Variants in GRAMD2B observed in about 807,000 individuals in gnomAD.
GRAMD2B encodes the protein GRAM domain containing 2B.
GRAMD2B carries 41 observed loss-of-function variants against 59.2 expected under a neutral mutation model. That is an observed-to-expected ratio of 0.69 (90% CI 0.54 to 0.90). The LOEUF is 0.90. GRAMD2B is among the 40% of genes least tolerant of loss of function. The probability of loss-of-function intolerance (pLI) is 0.00; values close to 1 mark genes in which losing one functional copy is unlikely to be tolerated. For synonymous variants in GRAMD2B, 161 were observed against 182.7 expected, an observed-to-expected ratio of 0.88 and a Z score of 0.96; for missense variants, 424 against 500.5, an observed-to-expected ratio of 0.85 and a Z score of 1.46.
intron 1 of GRAMD2B, among the ~76,000 whole-genome samples, chr5:126,385,576 C>A (rs902313668): frequency 7.2e-5 from 11 of 152,324 alleles, no homozygotes; most frequent in Admixed American, 2.0e-4. Flanking sequence ...TATCTTCATG[C>A]CTCTGCTATT....
rs901000847 is a variant in GRAMD2B, at chr5:126,491,871, T to C, written c.1258-1044T>C. On this transcript the variant is annotated intron_variant, in intron 13 of 13. Transcript: ENST00000285689. Reference sequence around the variant, plus strand: ...GCCTCAGCCTCCCAAGTAGCTGGGATTACAGGCATCTGCCACCACACCCAG... The same window carrying C: ...GCCTCAGCCTCCCAAGTAGCTGGGACTACAGGCATCTGCCACCACACCCAG... 3.9e-5 allele frequency among the ~76,000 whole-genome samples: 6 copies of C among 152,206 alleles called. No individual in the cohort carries two copies. In the South Asian group the frequency reaches 1.2e-3, roughly 32 times the overall value.
exon 1 of GRAMD2B, chr5:126,371,457 G>C (rs1364732438): frequency 7.8e-7 from 1 of 1,288,574 alleles, no homozygotes; most frequent in Non-Finnish European, 1.0e-6. Flanking sequence ...TGAAGAAAAG[G>C]CTGCCTTCTA....
chr5:126,418,137 G>T (rs188495079), intron 1 of GRAMD2B, among the ~76,000 whole-genome samples: 26 of 152,228 alleles, frequency 1.7e-4, no homozygotes, highest in Non-Finnish European at 3.2e-4. Context: ...GAGTTCAAGT[G>T]CTGGGTCCTC....
chr5:126,481,429 A>G (rs1049632121), intron 8 of GRAMD2B, among the ~76,000 whole-genome samples: 1 of 152,172 alleles, frequency 6.6e-6, no homozygotes, highest in African/African-American at 2.4e-5. Context: ...TCAAATGATT[A>G]TAAATATTCT....
intron 1 of GRAMD2B, among the ~76,000 whole-genome samples, chr5:126,448,642 C>G (rs1283208024): frequency 1.3e-5 from 2 of 151,874 alleles, no homozygotes. Context: ...AGGCAGGAGG[C>G]ATTAAGGACC....
chr5:126,416,101 T>C (rs1289862575), intron 1 of GRAMD2B, among the ~76,000 whole-genome samples: 1 of 152,212 alleles, frequency 6.6e-6, no homozygotes, highest in Non-Finnish European at 1.5e-5. Flanking sequence ...TGTATGAATG[T>C]TTCTCTGAGA....
At chr5:126,389,881 G>A (rs1465820439) in intron 1 of GRAMD2B, among the ~76,000 whole-genome samples, 2 of 152,106 alleles carry the variant, frequency 1.3e-5, no homozygotes, top group South Asian at 2.1e-4. Context: ...CTGGGAGGTG[G>A]AGGTTGCAGT....
At chr5:126,481,516 T>G (rs1771837259) in intron 8 of GRAMD2B, among the ~76,000 whole-genome samples, 1 of 152,112 alleles carries the variant, frequency 6.6e-6, no homozygotes, top group African/African-American at 2.4e-5. Flanking sequence ...TTAAAAGTAA[T>G]GGGATTGAAA....
intron 1 of GRAMD2B, among the ~76,000 whole-genome samples, chr5:126,463,561 A>G (rs959449293): frequency 1.3e-5 from 2 of 152,228 alleles, no homozygotes; most frequent in South Asian, 2.1e-4. Flanking sequence ...TCAGCCTTCC[A>G]TGTACCTTTG....
chr5:126,407,739 C>T (rs1758385092), intron 1 of GRAMD2B, among the ~76,000 whole-genome samples: 3 of 151,892 alleles, frequency 2.0e-5, no homozygotes, highest in Admixed American at 2.0e-4. Context: ...ATTAAGAGGG[C>T]TGATGAACTA....
At chr5:126,454,207 G>A (rs192137716) in intron 1 of GRAMD2B, among the ~76,000 whole-genome samples, 3 of 152,160 alleles carry the variant, frequency 2.0e-5, no homozygotes, top group Admixed American at 6.5e-5. Flanking sequence ...GTCTTGGCTC[G>A]TGTCCAGATG....
intron 1 of GRAMD2B, among the ~76,000 whole-genome samples, chr5:126,381,630 A>C (rs937098276): frequency 6.6e-6 from 1 of 152,178 alleles, no homozygotes; most frequent in Non-Finnish European, 1.5e-5. Flanking sequence ...GGTTAGTGAC[A>C]TCTTATCCAT....
chr5:126,445,782 G>A (rs1764107310), intron 1 of GRAMD2B, among the ~76,000 whole-genome samples: 1 of 152,150 alleles, frequency 6.6e-6, no homozygotes, highest in South Asian at 2.1e-4. Context: ...CTTTCATGCT[G>A]ATTCGTGTCA....
At chr5:126,483,921 C>T (rs981230895) in intron 9 of GRAMD2B, among the ~76,000 whole-genome samples, 4 of 152,210 alleles carry the variant, frequency 2.6e-5, no homozygotes, top group African/African-American at 9.6e-5. Context: ...CTCCACCCCC[C>T]GGGTTCAAGC....
intron 8 of GRAMD2B, among the ~76,000 whole-genome samples, chr5:126,481,970 CAAA>C (rs34641412): frequency 8.2e-5 from 8 of 98,104 alleles, no homozygotes; most frequent in Non-Finnish European, 1.0e-4. Context: ...GACTCCATCT[CAAA>C]AAAAAAAAAA....
rs142829095 is a variant in GRAMD2B, at chr5:126,399,500, T to G, written c.125+27933T>G. Among the ~76,000 whole-genome samples, 925 of 152,250 alleles carry G rather than the reference T, an allele frequency of 6.1e-3. 10 individuals carry two copies. The highest frequency in any genetic ancestry group is 0.02 in the African/African-American group (840 of 41,550). Reference sequence around the variant, plus strand: ...AAAGTGTTTGGCAGTTCCTCCCTTTTGCTCTCTCCTCCCACCATGTAAGAC... The same window carrying G: ...AAAGTGTTTGGCAGTTCCTCCCTTTGGCTCTCTCCTCCCACCATGTAAGAC... On this transcript the variant is annotated intron_variant, in intron 1 of 8. Transcript: ENST00000506445.
chr5:126,465,796 C>A (rs905246111), intron 2 of GRAMD2B, among the ~76,000 whole-genome samples: 1 of 152,138 alleles, frequency 6.6e-6, no homozygotes, highest in Non-Finnish European at 1.5e-5. Context: ...CCAGGGTGGA[C>A]CCCTCTCTGG....
chr5:126,446,434 C>G lies in GRAMD2B; in HGVS notation c.84-18992C>G, dbSNP rs547188321. Among the ~76,000 whole-genome samples the G allele has an allele frequency of 1.3e-4, 20 of 151,870 alleles. No homozygotes were observed. In the South Asian group the frequency reaches 3.8e-3, roughly 29 times the overall value. ...ATCATTTCTGAAAATAAGTGGATAC[C>G]CTTATTTACTCAGCTGTGCTATAAA... On this transcript the variant is annotated intron_variant, in intron 1 of 13. Transcript: ENST00000285689.
chr5:126,411,396 A>G (rs1758774764), intron 1 of GRAMD2B, among the ~76,000 whole-genome samples: 1 of 152,104 alleles, frequency 6.6e-6, no homozygotes, highest in Non-Finnish European at 1.5e-5. Context: ...CAACTTTGTC[A>G]AAGGTCAGAT....
Sources: gnomAD v4.1 joint callset for allele counts (sites outside exome capture counted in the v4.1 genomes callset) on GRCh38, gnomAD v4.1.1 for gene constraint, MANE v1.5 for transcripts, NCBI Gene and HGNC (gene_info 2026-07-23, HGNC 2026-07-21) for gene names.